CAMKMT: variants seen among roughly 807,000 people sequenced by gnomAD.
CAMKMT encodes calmodulin-lysine N-methyltransferase.
In CAMKMT, 53 loss-of-function variants were observed where a neutral mutation model predicts 48.0. The ratio of observed to expected loss-of-function variants is 1.10; its 90% CI spans 0.89 to 1.39. CAMKMT has a LOEUF of 1.39. Among genes scored for constraint, CAMKMT ranks in the 40% most tolerant of loss-of-function variants. The pLI is 0.00. For synonymous variants in CAMKMT, 165 were observed against 152.3 expected (o/e 1.08, Z -0.61); for missense variants, 428 against 402.7 (o/e 1.06, Z -0.54).
intron 2 of CAMKMT, among the ~76,000 whole-genome samples, chr2:44,373,106 T>C (rs1043926289): frequency 6.6e-6 from 1 of 152,224 alleles, no homozygotes; most frequent in Non-Finnish European, 1.5e-5. Context: ...TATAGTGGCA[T>C]TTGAAGATAA....
At chr2:44,482,118 G>A (rs1016071821) in intron 3 of CAMKMT, among the ~76,000 whole-genome samples, 4 of 152,034 alleles carry the variant, frequency 2.6e-5, no homozygotes, top group African/African-American at 9.7e-5. Flanking sequence ...TTAGAGAATT[G>A]CATAATAGAC....
At chr2:44,683,840 A>AG (rs1479672231) in intron 3 of CAMKMT, among the ~76,000 whole-genome samples, 7 of 149,158 alleles carry the variant, frequency 4.7e-5, no homozygotes, top group East Asian at 1.9e-4. Flanking sequence ...AAAAAAAAAA[A>AG]AAAGAAAAAG....
chr2:44,530,964 C>A (rs977197765), intron 3 of CAMKMT, among the ~76,000 whole-genome samples: 1 of 151,544 alleles, frequency 6.6e-6, no homozygotes, highest in African/African-American at 2.4e-5. Flanking sequence ...AAAGATCTTC[C>A]CCATTGTGCA....
At chr2:44,646,516 G>A (rs534521006) in intron 3 of CAMKMT, among the ~76,000 whole-genome samples, 29 of 152,176 alleles carry the variant, frequency 1.9e-4, no homozygotes, top group African/African-American at 7.0e-4. Flanking sequence ...AAACCTAGTA[G>A]ATTATTTCAA....
chr2:44,478,881 A>C (rs201939794), intron 3 of CAMKMT, among the ~76,000 whole-genome samples: 8 of 152,096 alleles, frequency 5.3e-5, no homozygotes, highest in Non-Finnish European at 7.4e-5. Context: ...TTGTATTTTT[A>C]GTAGAGACGG....
At chr2:44,533,772 G>A (rs1222534072) in intron 3 of CAMKMT, among the ~76,000 whole-genome samples, 11 of 152,146 alleles carry the variant, frequency 7.2e-5, no homozygotes, top group East Asian at 5.8e-4. Context: ...AAATGTTACC[G>A]CTAAAGAAAA....
At chr2:44,546,154 G>GACACACACACACACACACACACACACAC in intron 3 of CAMKMT, among the ~76,000 whole-genome samples, 1 of 129,084 alleles carries the variant, frequency 7.7e-6, no homozygotes, top group Non-Finnish European at 1.6e-5. Flanking sequence ...AGACTGCTAG[G>GACACACACACACACACACACACACACAC]ACACACACAC....
intron 3 of CAMKMT, among the ~76,000 whole-genome samples, chr2:44,664,369 T>C (rs1296555184): frequency 6.6e-6 from 1 of 152,204 alleles, no homozygotes; most frequent in Non-Finnish European, 1.5e-5. Context: ...TAACAAATGT[T>C]AAATTTAACA....
intron 3 of CAMKMT, among the ~76,000 whole-genome samples, chr2:44,440,522 A>G (rs1242891727): frequency 1.3e-5 from 2 of 152,146 alleles, no homozygotes; most frequent in African/African-American, 4.8e-5. Context: ...ACTATCCAAT[A>G]TGGTAGCCAC....
At chr2:44,409,223 A>C (rs1683024438) in intron 3 of CAMKMT, among the ~76,000 whole-genome samples, 1 of 149,936 alleles carries the variant, frequency 6.7e-6, no homozygotes, top group African/African-American at 2.4e-5. Flanking sequence ...AATTCAACGT[A>C]GTATCCAGCC....
chr2:44,677,146 T>A (rs1675744876), intron 3 of CAMKMT, among the ~76,000 whole-genome samples: 1 of 152,192 alleles, frequency 6.6e-6, no homozygotes. Flanking sequence ...CAAAATTTAT[T>A]GAGCCCAACC....
intron 3 of CAMKMT, among the ~76,000 whole-genome samples, chr2:44,601,737 G>A (rs1211887017): frequency 1.3e-5 from 2 of 150,768 alleles, no homozygotes; most frequent in East Asian, 3.9e-4. Flanking sequence ...GTTTTTTTAA[G>A]TTATTTTTAA....
At chr2:44,455,690 GT>G (rs1039796552) in intron 3 of CAMKMT, among the ~76,000 whole-genome samples, 1 of 152,022 alleles carries the variant, frequency 6.6e-6, no homozygotes, top group African/African-American at 2.4e-5. Flanking sequence ...TTGTGCCATT[GT>G]TTCTTTATTT....
intron 3 of CAMKMT, among the ~76,000 whole-genome samples, chr2:44,535,594 C>T (rs1289360378): frequency 1.3e-5 from 2 of 152,110 alleles, no homozygotes; most frequent in African/African-American, 4.8e-5. Flanking sequence ...ATATGCAAAT[C>T]AACAAACGTG....
At chr2:44,394,833 G>A (rs1335787218) in intron 3 of CAMKMT, 1 of 453,938 alleles carries the variant, frequency 2.2e-6, no homozygotes, top group South Asian at 1.6e-5. Context: ...TCTCTTTTGG[G>A]GTGGTAATCA....
chr2:44,368,448 T>C (rs972419287), intron 1 of CAMKMT, among the ~76,000 whole-genome samples: 1 of 152,244 alleles, frequency 6.6e-6, no homozygotes, highest in Non-Finnish European at 1.5e-5. Context: ...ATTATATAAA[T>C]GTCTTATTTG....
rs189736536 is a variant in CAMKMT at position 44,454,294 on chromosome 2, C to A, written c.376+63989C>A. ...GCTTTTAAAATAGAGACTTCAGGTTCAACGTTGTGCATTGTGTTAAATGTG... is the reference window on the plus strand; with the variant it reads ...GCTTTTAAAATAGAGACTTCAGGTTAAACGTTGTGCATTGTGTTAAATGTG... On this transcript the variant is annotated intron_variant, in intron 3 of 10. Transcript: ENST00000378494. Among the ~76,000 whole-genome samples the A allele has an allele frequency of 5.1e-4, 77 of 152,188 alleles. 1 individual carries two copies. The highest frequency in any genetic ancestry group is 9.8e-4 in the Admixed American group (15 of 15,274).
intron 3 of CAMKMT, among the ~76,000 whole-genome samples, chr2:44,631,034 T>G (rs1186286578): frequency 2.0e-5 from 3 of 152,222 alleles, no homozygotes; most frequent in African/African-American, 7.2e-5. Flanking sequence ...TAAGAAAATG[T>G]GGCATGTATA....
At chr2:44,601,227 T>C (rs1008491391) in intron 3 of CAMKMT, among the ~76,000 whole-genome samples, 4 of 152,040 alleles carry the variant, frequency 2.6e-5, no homozygotes, top group African/African-American at 4.8e-5. Flanking sequence ...GAGGCCAAGA[T>C]GGGCAGATCA....
Sources: allele counts gnomAD v4.1 joint callset (sites outside exome capture counted in the v4.1 genomes callset), GRCh38; gene constraint gnomAD v4.1.1; transcripts MANE v1.5; gene names NCBI Gene and HGNC (gene_info 2026-07-23, HGNC 2026-07-21).